ZNF787: variants seen among roughly 807,000 people sequenced by gnomAD.
The protein encoded by ZNF787 is zinc finger protein 787.
A neutral mutation model predicts 16.9 loss-of-function variants in ZNF787; 7 were observed. The ratio of observed to expected loss-of-function variants is 0.42; its 90% CI spans 0.24 to 0.78. ZNF787 has a LOEUF of 0.78. ZNF787 is among the 30% of genes least tolerant of loss of function. The pLI is 0.30. For missense variants in ZNF787, 551 were observed against 589.3 expected (o/e 0.94, Z 0.67); for synonymous variants, 345 against 270.9 (o/e 1.27, Z -2.69).
In ZNF787 at chr19:56,087,664, A is replaced by T. The variant is rs1212650029; in HGVS notation, c.*359T>A. 3 of 178,920 alleles carry T rather than the reference A, an allele frequency of 1.7e-5. No individual in the cohort carries two copies. The highest frequency in any genetic ancestry group is 2.4e-5 in the African/African-American group (1 of 41,492). The allele number at this position is 178,920 out of a possible 1,614,324, so 11.1% of individuals were successfully genotyped here. A position where few individuals can be genotyped will look rare whatever the true frequency, so the allele number is the denominator to read the frequency against. Reference sequence around the variant, plus strand: ...GCCTGGTTTCTCCATTCCTCGCAGCACCCCCCACCCCCGCCCCGGACAACT... The same window carrying T: ...GCCTGGTTTCTCCATTCCTCGCAGCTCCCCCCACCCCCGCCCCGGACAACT... On this transcript the variant is annotated 3_prime_UTR_variant, in exon 3 of 3. Coordinates refer to ENST00000610935, the MANE Select transcript of ZNF787 (RefSeq NM_001002836.4).
intron 1 of ZNF787, among the ~76,000 whole-genome samples, chr19:56,111,602 G>C (rs1351339250): frequency 1.3e-5 from 2 of 152,036 alleles, no homozygotes; most frequent in African/African-American, 4.8e-5. Flanking sequence ...GGGGTAAGGG[G>C]TGAGGGGCCA....
At chr19:56,105,907 C>T (rs1986286516) in intron 1 of ZNF787, among the ~76,000 whole-genome samples, 1 of 147,904 alleles carries the variant, frequency 6.8e-6, no homozygotes, top group Non-Finnish European at 1.5e-5. Context: ...CGGCAGTCAC[C>T]GCGCATTCCG....
At chr19:56,091,945 GCCAAAGCCGAAA>G (rs1985598528) in intron 2 of ZNF787, among the ~76,000 whole-genome samples, 3 of 45,570 alleles carry the variant, frequency 6.6e-5, no homozygotes, top group African/African-American at 1.3e-4. Context: ...CGAAGCCAAA[GCCAAAGCCGAAA>G]CCGAAACCGA....
chr19:56,089,133 C>T, intron 2 of ZNF787, 41 bp from the exon 3 acceptor site: 3 of 1,398,198 alleles, frequency 2.1e-6, no homozygotes, highest in Middle Eastern at 2.3e-4. Context: ...TCAAGAGAGG[C>T]AAGGGCTCCA....
rs75518882 is a variant in ZNF787, at chr19:56,098,235, A to G, written c.79+4904T>C. Among the ~76,000 whole-genome samples the G allele has an allele frequency of 9.2e-5, 14 of 152,300 alleles. No individual in the cohort carries two copies. In the East Asian group the frequency reaches 2.7e-3, roughly 29 times the overall value. ...CAGGGGACATGGCCGGGAGCTACCC[A>G]CAGTCCAACTCCTTTCCTCTTCACA... On this transcript the variant is annotated intron_variant, in intron 2 of 2. Coordinates refer to ENST00000610935, the MANE Select transcript of ZNF787 (RefSeq NM_001002836.4).
intron 2 of ZNF787, among the ~76,000 whole-genome samples, chr19:56,092,948 G>A (rs987815809): frequency 6.6e-6 from 1 of 150,646 alleles, no homozygotes; most frequent in African/African-American, 2.4e-5. Context: ...CACAGGGCAT[G>A]ACGCAACTGG....
Position 56,088,503 on chromosome 19 carries a change from G to T in ZNF787, c.669C>A (p.Pro223=). 7.1e-7 allele frequency: 1 copy of T among 1,404,484 alleles called. No individual in the cohort carries two copies. The allele number at this position is 1,404,484 out of a possible 1,614,324, so 87.0% of individuals were successfully genotyped here. A position where few individuals can be genotyped will look rare whatever the true frequency, so the allele number is the denominator to read the frequency against. The change falls in exon 3 of 3, where the codon CCC becomes CCA. Residue 223 remains proline (P), a synonymous_variant. Coordinates refer to ENST00000610935, the MANE Select transcript of ZNF787 (RefSeq NM_001002836.4). The surrounding 1 kb of genome is among the most constrained non-coding windows in gnomAD (Gnocchi z 8.6). ...LAASVRRAKG[P]EEAVAADGEI... ...CGCCGTCCGCCGCCACCGCCTCTTC[G>T]GGCCCCTTGGCCCGCCGGACGCTAG... is the stretch of plus-strand genomic sequence containing the variant.
In ZNF787 at chr19:56,088,407, G is replaced by A. The variant is rs1297728300; in HGVS notation, c.765C>T (p.Ala255=). ...VVGAPGEGAA[A]AAAMAGAGAK... ...CCCCCGCGCCCGCCATGGCTGCCGC[G>A]GCCGCGGCCCCCTCGCCCGGCGCGC... Residue 255 remains alanine (A), a synonymous_variant, in exon 3 of 3, where the codon GCC becomes GCT. Transcript: ENST00000610935. This position sits in a 1 kb window ranked among gnomAD's most constrained non-coding sequence, Gnocchi z 8.6. The A allele has an allele frequency of 7.2e-6, 8 of 1,116,654 alleles. No homozygotes were observed. Among genetic ancestry groups the A allele is most frequent in the South Asian group, 8.5e-5 (2 of 23,656 alleles). The allele number at this position is 1,116,654 out of a possible 1,614,324, so 69.2% of individuals were successfully genotyped here. A position where few individuals can be genotyped will look rare whatever the true frequency, so the allele number is the denominator to read the frequency against.
intron 1 of ZNF787, among the ~76,000 whole-genome samples, chr19:56,115,516 G>T (rs1014686036): frequency 6.6e-6 from 1 of 151,854 alleles, no homozygotes; most frequent in African/African-American, 2.4e-5. Context: ...CCACCACCAC[G>T]CCCGGCTAAC....
At position 56,117,153 on chromosome 19, in the gene ZNF787, C is replaced by T. The variant is rs193205530; in HGVS notation, c.-11+4019G>A. Among the ~76,000 whole-genome samples the T allele has an allele frequency of 1.7e-4, 26 of 152,318 alleles. 1 individual carries two copies. The highest frequency in any genetic ancestry group is 1.5e-3 in the Admixed American group (23 of 15,290). On this transcript the variant is annotated intron_variant, in intron 1 of 2. Transcript: ENST00000610935. Reference sequence around the variant, plus strand: ...GTGTGTCAAGTGCTCACCCAAAAGCCGTGGAGATGCCCAGTAAACACAGCC... The same window carrying T: ...GTGTGTCAAGTGCTCACCCAAAAGCTGTGGAGATGCCCAGTAAACACAGCC...
chr19:56,107,914 G>GAAGAGAGAGCTT (rs2029879437), intron 1 of ZNF787, among the ~76,000 whole-genome samples: 1 of 152,106 alleles, frequency 6.6e-6, no homozygotes, highest in African/African-American at 2.4e-5. Context: ...GGGGGCTGCG[G>GAAGAGAGAGCTT]GAGGGGCTGC....
At chr19:56,111,230 AG>A (rs921589472) in intron 1 of ZNF787, among the ~76,000 whole-genome samples, 1 of 152,096 alleles carries the variant, frequency 6.6e-6, no homozygotes, top group African/African-American at 2.4e-5. Flanking sequence ...GGCACAGCAG[AG>A]GGGCTGAGCA....
At position 56,103,188 on chromosome 19, in the gene ZNF787, C is replaced by T. The variant is rs767946228; in HGVS notation, c.30G>A (p.Pro10=). The T allele has an allele frequency of 3.0e-5, 48 of 1,574,488 alleles. No individual in the cohort carries two copies. The highest frequency in any genetic ancestry group is 3.4e-4 in the Middle Eastern group (2 of 5,840). ...GCTGGTCCTCAGAATCCAGCGGCCCCGGAGACCAGGCTTCTTCCCGCAGCT... is the reference window on the plus strand; with the variant it reads ...GCTGGTCCTCAGAATCCAGCGGCCCTGGAGACCAGGCTTCTTCCCGCAGCT... MELREEAWS[P]GPLDSEDQQM... is the part of the protein sequence containing the mutation. The change falls in exon 2 of 3, where the codon CCG becomes CCA. Residue 10 remains proline (P), a synonymous_variant. Coordinates refer to ENST00000610935, the MANE Select transcript of ZNF787 (RefSeq NM_001002836.4).
At chr19:56,118,978 C>A (rs962966748) in intron 1 of ZNF787, among the ~76,000 whole-genome samples, 1 of 152,176 alleles carries the variant, frequency 6.6e-6, no homozygotes, top group African/African-American at 2.4e-5. Flanking sequence ...AGACACAATA[C>A]CTCCCCTGCA....
At chr19:56,109,681 C>G (rs916708640) in intron 1 of ZNF787, among the ~76,000 whole-genome samples, 1 of 152,090 alleles carries the variant, frequency 6.6e-6, no homozygotes, top group African/African-American at 2.4e-5. Flanking sequence ...ATCACGAGAT[C>G]GAGACCATCC....
intron 1 of ZNF787, among the ~76,000 whole-genome samples, chr19:56,109,929 G>A (rs2029930920): frequency 6.6e-6 from 1 of 152,122 alleles, no homozygotes; most frequent in African/African-American, 2.4e-5. Flanking sequence ...GTTATTCTAT[G>A]TCAACCTAAT....
chr19:56,112,037 G>A (rs2029994466), intron 1 of ZNF787, among the ~76,000 whole-genome samples: 1 of 152,138 alleles, frequency 6.6e-6, no homozygotes, highest in South Asian at 2.1e-4. Context: ...CCCTGCTGAA[G>A]CCTGTGTCCT....
chr19:56,090,980 C>T (rs1050940722), intron 2 of ZNF787, among the ~76,000 whole-genome samples: 8 of 152,182 alleles, frequency 5.3e-5, no homozygotes, highest in Admixed American at 3.9e-4. Flanking sequence ...TCGAATATGG[C>T]TCTTGAACCT....
chr19:56,117,293 A>G (rs1249327469), intron 1 of ZNF787, among the ~76,000 whole-genome samples: 2 of 151,542 alleles, frequency 1.3e-5, no homozygotes, highest in Non-Finnish European at 2.9e-5. Context: ...GGCTAGTACA[A>G]TCTCACAGAG....
Sources: gnomAD v4.1 joint callset for allele counts (sites outside exome capture counted in the v4.1 genomes callset) on GRCh38, gnomAD v4.1.1 for gene constraint, Gnocchi (gnomAD v3.1) non-coding constraint, MANE v1.5 for transcripts, NCBI Gene and HGNC (gene_info 2026-07-23, HGNC 2026-07-21) for gene names.